Variants in ALLC observed in about 807,000 individuals in gnomAD.
ALLC encodes allantoicase.
ALLC carries 40 observed loss-of-function variants against 45.0 expected under a neutral mutation model. That is an observed-to-expected ratio of 0.89 (90% CI 0.69 to 1.16). The LOEUF (loss-of-function observed/expected upper bound fraction) is 1.16, where lower values mean the gene tolerates loss of function less well. Among genes scored for constraint, ALLC ranks in the 50% most tolerant of loss-of-function variants. The probability of loss-of-function intolerance (pLI) is 0.00; values close to 1 mark genes in which losing one functional copy is unlikely to be tolerated. For synonymous variants in ALLC, 176 were observed against 178.1 expected (o/e 0.99, Z 0.09); for missense variants, 488 against 493.1 (o/e 0.99, Z 0.10).
At chr2:3,694,947 G>A (rs1445168815) in intron 7 of ALLC, 2 of 152,188 alleles carry the variant, frequency 1.3e-5, no homozygotes, top group Non-Finnish European at 2.9e-5. Context: ...GCTATTTGCT[G>A]CTCTGCAGAC....
At chr2:3,681,460 A>G (rs937258409) in intron 5 of ALLC, among the ~76,000 whole-genome samples, 174 bp from the exon 6 acceptor site, 2 of 152,212 alleles carry the variant, frequency 1.3e-5, no homozygotes, top group African/African-American at 4.8e-5. Context: ...GACTGTTAAT[A>G]TATTAAATAT....
At chr2:3,687,102 GTT>G in intron 7 of ALLC, among the ~76,000 whole-genome samples, 1 of 149,430 alleles carries the variant, frequency 6.7e-6, no homozygotes, top group Admixed American at 6.7e-5. Flanking sequence ...TTTTGAGGTA[GTT>G]TTTTTTTCTA....
At chr2:3,698,374 C>T (rs1435125098) in intron 10 of ALLC, among the ~76,000 whole-genome samples, 1 of 152,170 alleles carries the variant, frequency 6.6e-6, no homozygotes, top group Non-Finnish European at 1.5e-5. Flanking sequence ...AGAGGCTCTG[C>T]ATCCCCCTTG....
chr2:3,688,567 T>TA (rs1488892548), intron 7 of ALLC: 2 of 205,182 alleles, frequency 9.7e-6, no homozygotes, highest in African/African-American at 4.7e-5. Flanking sequence ...GTTGTTTTCA[T>TA]ACTTCTCATG....
the ALLC span, among the ~76,000 whole-genome samples, chr2:3,651,474 G>C: frequency 7.2e-6 from 1 of 139,530 alleles, no homozygotes; most frequent in African/African-American, 2.6e-5. Flanking sequence ...GGCGTAGAAA[G>C]GACAAAGAGC....
At chr2:3,674,588 T>C (rs182545978) in intron 3 of ALLC, among the ~76,000 whole-genome samples, 1 of 152,302 alleles carries the variant, frequency 6.6e-6, no homozygotes, top group East Asian at 1.9e-4. Flanking sequence ...ATGCGAACTC[T>C]TGTGCGTGGA....
chr2:3,672,361 G>A (rs1321931617), intron 2 of ALLC, among the ~76,000 whole-genome samples: 3 of 122,992 alleles, frequency 2.4e-5, no homozygotes, highest in Non-Finnish European at 5.3e-5. Context: ...TTAGATGGGA[G>A]GTCCTCTGGC....
At chr2:3,651,936 T>C in the ALLC span, among the ~76,000 whole-genome samples, 1 of 152,188 alleles carries the variant, frequency 6.6e-6, no homozygotes, top group South Asian at 2.1e-4. Flanking sequence ...TGTGGGCCCA[T>C]CAGGGTCTGT....
intron 1 of ALLC, among the ~76,000 whole-genome samples, chr2:3,667,619 G>A (rs768200998): frequency 4.6e-5 from 7 of 152,180 alleles, no homozygotes; most frequent in African/African-American, 7.2e-5. Context: ...TCTGACGATC[G>A]AAATGAGATA....
At chr2:3,664,036 T>C (rs1485110522) in intron 1 of ALLC, among the ~76,000 whole-genome samples, 1 of 152,246 alleles carries the variant, frequency 6.6e-6, no homozygotes, top group Admixed American at 6.5e-5. Context: ...ATGGAACACT[T>C]AGACACCCAC....
chr2:3,664,241 G>C (rs191347528), intron 1 of ALLC, among the ~76,000 whole-genome samples: 7 of 152,340 alleles, frequency 4.6e-5, no homozygotes, highest in Non-Finnish European at 8.8e-5. Flanking sequence ...AATGGAAGCA[G>C]TTTATTCAAC....
intron 1 of ALLC, among the ~76,000 whole-genome samples, chr2:3,661,485 C>T (rs774006249): frequency 6.6e-6 from 1 of 152,080 alleles, no homozygotes; most frequent in Non-Finnish European, 1.5e-5. Flanking sequence ...TGCTTGGGGC[C>T]CAGGACCATC....
At chr2:3,674,923 C>T (rs1239989750) in intron 3 of ALLC, among the ~76,000 whole-genome samples, 4 of 152,206 alleles carry the variant, frequency 2.6e-5, no homozygotes, top group Non-Finnish European at 5.9e-5. Context: ...TGCATGTCTA[C>T]CTTGACCTAG....
intron 6 of ALLC, 134 bp from the exon 7 acceptor site, chr2:3,682,808 A>G (rs909972229): frequency 1.5e-5 from 14 of 904,776 alleles, no homozygotes; most frequent in Admixed American, 5.5e-5. Context: ...TACAGGCGTG[A>G]GCCACCGTGC....
intron 3 of ALLC, 100 bp from the exon 4 acceptor site, chr2:3,678,368 T>G (rs1445332959): frequency 6.0e-6 from 6 of 1,003,608 alleles, no homozygotes; most frequent in Non-Finnish European, 9.3e-6. Context: ...AGACCCCGGT[T>G]TGCACCGTTC....
At chr2:3,656,258 T>C (rs1449095573), upstream of ALLC, among the ~76,000 whole-genome samples, 1 of 152,226 alleles carries the variant, frequency 6.6e-6, no homozygotes, top group African/African-American at 2.4e-5. Context: ...AATCCTCATG[T>C]CTTGGCAGGA....
chr2:3,702,585 G>C lies in ALLC; in HGVS notation c.*22G>C. 6.6e-7 allele frequency: 1 copy of C among 1,511,460 alleles called. No homozygotes were observed. The highest frequency in any genetic ancestry group is 8.8e-7 in the Non-Finnish European group (1 of 1,130,616). The allele number at this position is 1,511,460 out of a possible 1,614,324, so 93.6% of individuals were successfully genotyped here. On this transcript the variant is annotated 3_prime_UTR_variant, in exon 12 of 12. Coordinates refer to ENST00000252505, the MANE Select transcript of ALLC (RefSeq NM_018436.4). ...TTAACACACACAAAGCCCCGGTGTC[G>C]GACACACAGCAGTAATTTCCCAGTC...
chr2:3,660,094 A>T (rs1489188979), intron 1 of ALLC, among the ~76,000 whole-genome samples: 1 of 152,054 alleles, frequency 6.6e-6, no homozygotes, highest in Non-Finnish European at 1.5e-5. Context: ...GCCCAGCGGG[A>T]GGAGTCTGGG....
intron 7 of ALLC, chr2:3,687,942 T>C: frequency 6.6e-6 from 1 of 151,884 alleles, no homozygotes; most frequent in Non-Finnish European, 1.5e-5. Flanking sequence ...GCTGAGAACC[T>C]CTCTAATCTT....
Sources: allele counts gnomAD v4.1 joint callset (sites outside exome capture counted in the v4.1 genomes callset), GRCh38; gene constraint gnomAD v4.1.1; transcripts MANE v1.5; gene names NCBI Gene and HGNC (gene_info 2026-07-23, HGNC 2026-07-21).